The following CDK19 variants were observed in gnomAD, a reference collection of about 807,000 sequenced individuals.
The protein encoded by CDK19 is cyclin-dependent kinase 19.
A neutral mutation model predicts 68.3 loss-of-function variants in CDK19; 20 were observed. The observed-to-expected ratio is 0.29, with a 90% confidence interval of 0.21 to 0.43. CDK19 has a LOEUF of 0.43. Among genes scored for constraint, CDK19 ranks in the 20% least tolerant of loss-of-function variants. The probability of loss-of-function intolerance (pLI) is 1.00; values close to 1 mark genes in which losing one functional copy is unlikely to be tolerated. For missense variants in CDK19, 339 were observed against 623.5 expected (o/e 0.54, Z 4.86); for synonymous variants, 221 against 222.8 (o/e 0.99, Z 0.07).
At chr6:110,741,828 A>G (rs921173983) in intron 2 of CDK19, among the ~76,000 whole-genome samples, 1 of 152,210 alleles carries the variant, frequency 6.6e-6, no homozygotes, top group East Asian at 1.9e-4. Flanking sequence ...GCAAAACTCA[A>G]GAAGAGCTGG....
chr6:110,668,137 C>A (rs1782059131), intron 3 of CDK19, among the ~76,000 whole-genome samples: 2 of 152,112 alleles, frequency 1.3e-5, no homozygotes, highest in South Asian at 4.2e-4. Context: ...ACTGGGTCAC[C>A]ATATTCAAAT....
chr6:110,811,348 C>T (rs1783079908), intron 1 of CDK19, among the ~76,000 whole-genome samples: 2 of 152,158 alleles, frequency 1.3e-5, no homozygotes, highest in Admixed American at 1.3e-4. Context: ...TAGTCATCAA[C>T]CACTCATTTG....
rs368888367 is a variant in CDK19, at chr6:110,667,431, T to C, written c.456+3A>G. 56 of 1,554,462 alleles carry C rather than the reference T, an allele frequency of 3.6e-5. No individual in the cohort carries two copies. Among genetic ancestry groups the C allele is most frequent in the Non-Finnish European group, 4.7e-5 (54 of 1,147,198 alleles). ...TTGATGAATTTAAAAGAAAAATACT[T>C]ACCAAGTCTCTGTGAAGCACCCAAT... On this transcript the variant is annotated splice_donor_region_variant and intron_variant, in intron 4 of 12. Coordinates refer to ENST00000368911, the MANE Select transcript of CDK19 (RefSeq NM_015076.5).
intron 2 of CDK19, among the ~76,000 whole-genome samples, chr6:110,693,876 G>C (rs987178092): frequency 2.0e-5 from 3 of 152,010 alleles, no homozygotes; most frequent in Non-Finnish European, 4.4e-5. Context: ...TGAGAAACCT[G>C]AATATTTATC....
chr6:110,639,472 G>C (rs1209228626), intron 4 of CDK19, among the ~76,000 whole-genome samples: 1 of 152,052 alleles, frequency 6.6e-6, no homozygotes, highest in Non-Finnish European at 1.5e-5. Flanking sequence ...TATCTTCTAA[G>C]GATAAAGAAC....
chr6:110,781,352 T>C (rs1440708797), intron 1 of CDK19, among the ~76,000 whole-genome samples: 1 of 152,098 alleles, frequency 6.6e-6, no homozygotes, highest in African/African-American at 2.4e-5. Flanking sequence ...AGAGCAAGAA[T>C]TCACTCATTA....
chr6:110,800,791 G>A (rs958462526), intron 1 of CDK19, among the ~76,000 whole-genome samples: 1 of 152,042 alleles, frequency 6.6e-6, no homozygotes, highest in Non-Finnish European at 1.5e-5. Flanking sequence ...GGCACTGAAG[G>A]AACATAGCTC....
intron 1 of CDK19, among the ~76,000 whole-genome samples, chr6:110,777,145 T>C (rs1413486814): frequency 6.6e-6 from 1 of 152,216 alleles, no homozygotes; most frequent in Non-Finnish European, 1.5e-5. Flanking sequence ...ATGCTATATA[T>C]TCCTCAGCAT....
At chr6:110,700,278 T>C (rs1035094379) in intron 2 of CDK19, among the ~76,000 whole-genome samples, 4 of 152,198 alleles carry the variant, frequency 2.6e-5, no homozygotes, top group South Asian at 2.1e-4. Context: ...TGTTACAATG[T>C]AGTAATAATA....
At chr6:110,642,929 C>CCT (rs1302110549) in intron 4 of CDK19, among the ~76,000 whole-genome samples, 1 of 152,006 alleles carries the variant, frequency 6.6e-6, no homozygotes, top group African/African-American at 2.4e-5. Flanking sequence ...TTGAAGCATC[C>CCT]CAGATTGCAC....
intron 7 of CDK19, 39 bp from the exon 8 acceptor site, chr6:110,626,884 G>A: frequency 7.1e-7 from 1 of 1,399,692 alleles, no homozygotes; most frequent in Non-Finnish European, 9.8e-7. Flanking sequence ...AAAATAATGT[G>A]TTAATTTAAA....
At chr6:110,742,105 C>T (rs1032481020) in intron 2 of CDK19, among the ~76,000 whole-genome samples, 4 of 151,856 alleles carry the variant, frequency 2.6e-5, no homozygotes, top group Admixed American at 6.6e-5. Flanking sequence ...AACAATGTTG[C>T]GGGAAGTCAG....
intron 5 of CDK19, 35 bp from the exon 6 acceptor site, chr6:110,632,196 TTTGA>T (rs748810592): frequency 6.5e-7 from 1 of 1,532,006 alleles, no homozygotes; most frequent in African/African-American, 1.4e-5. Flanking sequence ...TAAAATTCAG[TTTGA>T]TTGTTTCTCG....
At chr6:110,794,476 A>G (rs573375082) in intron 1 of CDK19, among the ~76,000 whole-genome samples, 34 of 146,622 alleles carry the variant, frequency 2.3e-4, no homozygotes, top group Non-Finnish European at 4.2e-4. Context: ...ATCTTGGCTC[A>G]CTGCAACCTC....
chr6:110,719,901 T>C (rs1276026028), intron 2 of CDK19, among the ~76,000 whole-genome samples: 2 of 151,924 alleles, frequency 1.3e-5, no homozygotes, highest in African/African-American at 4.8e-5. Context: ...CAGCTAATTT[T>C]TGTATTTTTA....
intron 2 of CDK19, among the ~76,000 whole-genome samples, chr6:110,721,375 C>T (rs185301001): frequency 7.9e-4 from 120 of 152,234 alleles, no homozygotes; most frequent in African/African-American, 2.8e-3. Flanking sequence ...CACCCAACCA[C>T]AAACCATCCA....
intron 2 of CDK19, among the ~76,000 whole-genome samples, chr6:110,724,067 T>C (rs1184973029): frequency 6.6e-6 from 1 of 151,390 alleles, no homozygotes; most frequent in Non-Finnish European, 1.5e-5. Context: ...AACTAGCCAT[T>C]ATAGGGCCAG....
intron 1 of CDK19, among the ~76,000 whole-genome samples, chr6:110,762,302 T>C (rs1779282843): frequency 6.6e-6 from 1 of 152,198 alleles, no homozygotes. Context: ...TCTTTCCTCC[T>C]ATTCCTCCTA....
At chr6:110,644,805 G>A (rs979984613) in intron 4 of CDK19, among the ~76,000 whole-genome samples, 3 of 152,042 alleles carry the variant, frequency 2.0e-5, no homozygotes, top group Non-Finnish European at 4.4e-5. Flanking sequence ...GCCAGGGGGA[G>A]GGGAGGCAGG....
Sources: gnomAD v4.1 joint callset for allele counts (sites outside exome capture counted in the v4.1 genomes callset) on GRCh38, gnomAD v4.1.1 for gene constraint, MANE v1.5 for transcripts, NCBI Gene and HGNC (gene_info 2026-07-23, HGNC 2026-07-21) for gene names.